The following RBP3 variants were observed in gnomAD, a reference collection of about 807,000 sequenced individuals.
The protein encoded by RBP3 is retinol binding protein 3, also known as retinol-binding protein 3.
In RBP3, 50 loss-of-function variants were observed where a neutral mutation model predicts 64.8. That is an observed-to-expected ratio of 0.77 (90% CI 0.61 to 0.98). The LOEUF is 0.98. RBP3 is among the 50% of genes least tolerant of loss of function. The pLI is 0.00. For synonymous variants in RBP3, 828 were observed against 730.2 expected, an observed-to-expected ratio of 1.13 and a Z score of -2.16; for missense variants, 1,712 against 1,660.5, an observed-to-expected ratio of 1.03 and a Z score of -0.54.
chr10:47,355,167 A>G (rs1454713860), intron 2 of RBP3, among the ~76,000 whole-genome samples: 3 of 152,204 alleles, frequency 2.0e-5, no homozygotes, highest in African/African-American at 7.2e-5. Context: ...ATATTTGATC[A>G]CTAAGTTTCT....
At position 47,352,820 on chromosome 10, in the gene RBP3, CTG is replaced by C. The variant is rs1238416102; in HGVS notation, c.3055-500_3055-499del. Among the ~76,000 whole-genome samples, 23 of 152,372 alleles carry C rather than the reference CTG, an allele frequency of 1.5e-4. No homozygotes were observed. In the East Asian group the frequency reaches 2.5e-3, roughly 17 times the overall value. On this transcript the variant is annotated intron_variant, in intron 1 of 3. Coordinates refer to ENST00000584701, the MANE Select transcript of RBP3 (RefSeq NM_002900.3). ...AGATTCTGGCTCCACCACTTACTGACTGTGTGACCTGAGACTAGTTACTTAAT... is the reference window on the plus strand; with the variant it reads ...AGATTCTGGCTCCACCACTTACTGACTGTGACCTGAGACTAGTTACTTAAT...
At position 47,348,464 on chromosome 10, in the gene RBP3, C is replaced by T. The variant is rs782558544; in HGVS notation, c.-21C>T. On this transcript the variant is annotated 5_prime_UTR_variant, in exon 1 of 4. Transcript: ENST00000584701. ...GTCCAGGGAGCTTTTGTGCAGGAGC[C>T]AGGCCTCCCCCTGGGTCCCCATGAT... is the stretch of plus-strand genomic sequence containing the variant. The T allele has an allele frequency of 5.0e-6, 8 of 1,598,884 alleles. No homozygotes were observed. Among genetic ancestry groups the T allele is most frequent in the Admixed American group, 1.7e-5 (1 of 59,940 alleles).
In RBP3 at chr10:47,348,611, G is replaced by C; in HGVS notation, c.127G>C (p.Glu43Gln). 6.2e-7 allele frequency: 1 copy of C among 1,613,492 alleles called. No individual in the cohort carries two copies. The highest frequency in any genetic ancestry group is 2.2e-5 in the East Asian group (1 of 44,870). ...CCTCTTGGATAACTACTGCTTCCCGGAGAACCTGCTGGGCATGCAGGAAGC... is the reference window on the plus strand; with the variant it reads ...CCTCTTGGATAACTACTGCTTCCCGCAGAACCTGCTGGGCATGCAGGAAGC... The part of the protein sequence containing the change: ...KVLLDNYCFP[E>Q]NLLGMQEAIQ... The change falls in exon 1 of 4, where the codon GAG becomes CAG. Residue 43 changes from glutamate to glutamine, a missense_variant. By Grantham distance (29) the Glu-to-Gln change is conservative. Coordinates refer to ENST00000584701, the MANE Select transcript of RBP3 (RefSeq NM_002900.3).
rs199537565 is a variant in RBP3 at position 47,351,430 on chromosome 10, C to T, written c.2946C>T (p.Ala982=). The part of the protein sequence containing the change: ...YSRVTSEVAL[A]EILGADLQML... ...GGGTGACCTCAGAAGTGGCCCTAGC[C>T]GAGATCCTGGGGGCTGACCTGCAGA... The change falls in exon 1 of 4, where the codon GCC becomes GCT. Residue 982 remains alanine, a synonymous_variant. Transcript: ENST00000584701. 39 of 1,613,770 alleles carry T rather than the reference C, an allele frequency of 2.4e-5. No homozygotes were observed. Among genetic ancestry groups the T allele is most frequent in the Admixed American group, 2.3e-4 (14 of 60,022 alleles).
rs998604639 is a variant in RBP3, at chr10:47,357,723, C to T, written c.*266C>T. ...CAAAGGTTCCTTCTAAGTGGTAGAACTTGGGGTGGTATTTTTACCTTCCTT... is the reference window on the plus strand; with the variant it reads ...CAAAGGTTCCTTCTAAGTGGTAGAATTTGGGGTGGTATTTTTACCTTCCTT... On this transcript the variant is annotated 3_prime_UTR_variant, in exon 4 of 4. Transcript: ENST00000584701. 2.9e-5 allele frequency: 10 copies of T among 349,732 alleles called. No homozygotes were observed. The highest frequency in any genetic ancestry group is 1.9e-4 in the African/African-American group (9 of 48,198). The allele number at this position is 349,732 out of a possible 1,614,324, so 21.7% of individuals were successfully genotyped here.
At chr10:47,355,872 C>T (rs1555211946) in intron 3 of RBP3, among the ~76,000 whole-genome samples, 1 of 152,144 alleles carries the variant, frequency 6.6e-6, no homozygotes, top group African/African-American at 2.4e-5. Context: ...AGGATTCTCC[C>T]CGCCCCTCAC....
chr10:47,350,310 G>A lies in RBP3; in HGVS notation c.1826G>A (p.Gly609Asp), dbSNP rs1555211348. 1 of 1,610,388 alleles carries A rather than the reference G, an allele frequency of 6.2e-7. No individual in the cohort carries two copies. The highest frequency in any genetic ancestry group is 8.5e-7 in the Non-Finnish European group (1 of 1,179,932). The change falls in exon 1 of 4, where the codon GGT becomes GAT. Residue 609 changes from glycine (G) to aspartate (D), a missense_variant. Transcript: ENST00000584701. ...IDNHGEAWLGGGVVPDAIVLA... is the reference protein window; with the variant it reads ...IDNHGEAWLGDGVVPDAIVLA... Reference sequence around the variant, plus strand: ...AATCACGGCGAGGCCTGGCTGGGTGGTGGAGTGGTGCCCGATGCCATCGTG... The same window carrying A: ...AATCACGGCGAGGCCTGGCTGGGTGATGGAGTGGTGCCCGATGCCATCGTG...
intron 2 of RBP3, among the ~76,000 whole-genome samples, chr10:47,354,319 C>T (rs186402743): frequency 8.6e-4 from 131 of 152,302 alleles, no homozygotes; most frequent in African/African-American, 2.7e-3. Flanking sequence ...CGGGACCCTT[C>T]CATGCTCCCG....
chr10:47,351,554 G>A lies in RBP3; in HGVS notation c.3054+16G>A. On this transcript the variant is annotated intron_variant, in intron 1 of 3. Coordinates refer to ENST00000584701, the MANE Select transcript of RBP3 (RefSeq NM_002900.3). ...GCCCATGCAGGTGAGACCCAAGAGA[G>A]ACCTGGCTGAACCCAGTCCCGGGAG... is the stretch of plus-strand genomic sequence containing the variant. 6.2e-7 allele frequency: 1 copy of A among 1,613,456 alleles called. No homozygotes were observed. The highest frequency in any genetic ancestry group is 1.7e-4 in the Middle Eastern group (1 of 6,052).
chr10:47,357,602 G>A lies in RBP3; in HGVS notation c.*145G>A, dbSNP rs1555212097. On this transcript the variant is annotated 3_prime_UTR_variant, in exon 4 of 4. Coordinates refer to ENST00000584701, the MANE Select transcript of RBP3 (RefSeq NM_002900.3). The stretch of plus-strand genomic sequence containing the variant: ...CTGGTTAGGTTACAGCTGGAGGTGT[G>A]TATATATACACACACACACATGTAT... 3 of 626,548 alleles carry A rather than the reference G, an allele frequency of 4.8e-6. No homozygotes were observed. Among genetic ancestry groups the A allele is most frequent in the Non-Finnish European group, 8.5e-6 (3 of 352,126 alleles). The allele number at this position is 626,548 out of a possible 1,614,324, so 38.8% of individuals were successfully genotyped here. A position where few individuals can be genotyped will look rare whatever the true frequency, so the allele number is the denominator to read the frequency against.
At chr10:47,357,057 G>A (rs1555212040) in intron 3 of RBP3, 45 bp from the exon 4 acceptor site, 1 of 1,566,944 alleles carries the variant, frequency 6.4e-7, no homozygotes, top group Non-Finnish European at 8.7e-7. Flanking sequence ...AGGTGCTCCA[G>A]GGTCCTGACA....
chr10:47,357,723 C>G lies in RBP3; in HGVS notation c.*266C>G, dbSNP rs998604639. On this transcript the variant is annotated 3_prime_UTR_variant, in exon 4 of 4. Coordinates refer to ENST00000584701, the MANE Select transcript of RBP3 (RefSeq NM_002900.3). Reference sequence around the variant, plus strand: ...CAAAGGTTCCTTCTAAGTGGTAGAACTTGGGGTGGTATTTTTACCTTCCTT... The same window carrying G: ...CAAAGGTTCCTTCTAAGTGGTAGAAGTTGGGGTGGTATTTTTACCTTCCTT... 2 of 349,614 alleles carry G rather than the reference C, an allele frequency of 5.7e-6. No individual in the cohort carries two copies. Among genetic ancestry groups the G allele is most frequent in the Non-Finnish European group, 5.2e-6 (1 of 194,020 alleles). The allele number at this position is 349,614 out of a possible 1,614,324, so 21.7% of individuals were successfully genotyped here. A position where few individuals can be genotyped will look rare whatever the true frequency, so the allele number is the denominator to read the frequency against.
intron 3 of RBP3, 86 bp from the exon 4 acceptor site, chr10:47,357,016 T>A: frequency 3.1e-6 from 4 of 1,293,534 alleles, no homozygotes; most frequent in Non-Finnish European, 2.2e-6. Context: ...GCCTCCTCCA[T>A]CACTGCAGGC....
Position 47,349,052 on chromosome 10 carries a change from G to C in RBP3, c.568G>C (p.Gly190Arg), listed in dbSNP as rs552350265. 1.9e-5 allele frequency: 31 copies of C among 1,614,010 alleles called. No homozygotes were observed. The highest frequency in any genetic ancestry group is 1.7e-4 in the African/African-American group (13 of 75,036). The change falls in exon 1 of 4, where the codon GGG (glycine) becomes CGG (arginine). Residue 190 changes from glycine (G) to arginine (R), a missense_variant. Gly to Arg is a moderately radical substitution (Grantham distance 125, BLOSUM62 -2). Coordinates refer to ENST00000584701, the MANE Select transcript of RBP3 (RefSeq NM_002900.3). ...CTACATCATCTCCTACCTGCACCCA[G>C]GGAACACCATCCTGCACGTGGACAC... ...IPYIISYLHP[G>R]NTILHVDTIY... is the part of the protein sequence containing the mutation.
Position 47,349,209 on chromosome 10 carries a change from T to C in RBP3, c.725T>C (p.Ile242Thr). The change falls in exon 1 of 4, where the codon ATC becomes ACC. Residue 242 changes from isoleucine (I) to threonine (T), a missense_variant. By Grantham distance (89) the Ile-to-Thr change is moderately conservative. Transcript: ENST00000584701. The part of the protein sequence containing the change: ...SSQTRGVAED[I>T]AHILKQMRRA... ...CAGACCAGGGGCGTGGCCGAGGACA[T>C]CGCGCACATCCTTAAGCAGATGCGC... 6.2e-7 allele frequency: 1 copy of C among 1,613,490 alleles called. No individual in the cohort carries two copies. The highest frequency in any genetic ancestry group is 8.5e-7 in the Non-Finnish European group (1 of 1,180,008).
chr10:47,357,796 CATT>C lies in RBP3; in HGVS notation c.*343_*345del, dbSNP rs1437146422. The C allele has an allele frequency of 1.0e-5, 2 of 192,618 alleles. No homozygotes were observed. The highest frequency in any genetic ancestry group is 4.7e-5 in the African/African-American group (2 of 42,914). The allele number at this position is 192,618 out of a possible 1,614,324, so 11.9% of individuals were successfully genotyped here. On this transcript the variant is annotated 3_prime_UTR_variant, in exon 4 of 4. Coordinates refer to ENST00000584701, the MANE Select transcript of RBP3 (RefSeq NM_002900.3). ...TAAATACTCATTAATGTGCATATAT[CATT>C]ATTTTCAGATGCAGCTATCATTATT...
intron 2 of RBP3, among the ~76,000 whole-genome samples, chr10:47,353,921 C>G (rs1426468904): frequency 6.6e-6 from 1 of 152,176 alleles, no homozygotes; most frequent in African/African-American, 2.4e-5. Context: ...CCAGGTGATT[C>G]TGATGGTCAG....
intron 1 of RBP3, among the ~76,000 whole-genome samples, chr10:47,352,335 C>T (rs1016144609): frequency 6.6e-6 from 1 of 152,168 alleles, no homozygotes; most frequent in African/African-American, 2.4e-5. Flanking sequence ...CAAGAGTTGC[C>T]CTGAGACATG....
intron 1 of RBP3, among the ~76,000 whole-genome samples, chr10:47,351,998 G>A (rs576533925): frequency 1.5e-4 from 23 of 152,212 alleles, no homozygotes; most frequent in Admixed American, 3.3e-4. Context: ...AGTGCCCCAC[G>A]CTGGCCGAGA....
Sources: gnomAD v4.1 joint callset for allele counts (sites outside exome capture counted in the v4.1 genomes callset) on GRCh38, gnomAD v4.1.1 for gene constraint, MANE v1.5 for transcripts, NCBI Gene and HGNC (gene_info 2026-07-23, HGNC 2026-07-21) for gene names.